The following OR8G5 variants were observed in gnomAD, a reference collection of about 807,000 sequenced individuals.
The protein encoded by OR8G5 is olfactory receptor family 8 subfamily G member 5, also known as olfactory receptor 8G5.
For missense variants in OR8G5, 347 were observed against 371.9 expected (o/e 0.93, Z 0.55); for synonymous variants, 147 against 147.7 (o/e 1.00, Z 0.03).
Position 124,265,732 on chromosome 11 carries a change from C to T in OR8G5, c.801C>T (p.Ser267=), listed in dbSNP as rs1176264287. The T allele has an allele frequency of 6.2e-7, 1 of 1,614,002 alleles. No homozygotes were observed. The highest frequency in any genetic ancestry group is 8.5e-7 in the Non-Finnish European group (1 of 1,179,982). The part of the protein sequence containing the change: ...FMYLQPSSVS[S]MDQGKVSSVF... Reference sequence around the variant, plus strand: ...ACCTGCAGCCATCATCTGTCAGCTCCATGGACCAGGGGAAAGTGTCCTCTG... The same window carrying T: ...ACCTGCAGCCATCATCTGTCAGCTCTATGGACCAGGGGAAAGTGTCCTCTG... Residue 267 remains serine, a synonymous_variant, in exon 2 of 2, where the codon TCC becomes TCT. Coordinates refer to ENST00000641992, the MANE Select transcript of OR8G5 (RefSeq NM_001005198.2).
At chr11:124,264,043 C>A (rs1281531239) in intron 1 of OR8G5, among the ~76,000 whole-genome samples, 1 of 152,140 alleles carries the variant, frequency 6.6e-6, no homozygotes, top group Non-Finnish European at 1.5e-5. Context: ...TCAGTAATTT[C>A]TTACTATCTT....
rs202064362 is a variant in OR8G5 at position 124,265,792 on chromosome 11, C to G, written c.861C>G (p.Pro287=). 1.4e-4 allele frequency: 227 copies of G among 1,614,142 alleles called. No homozygotes were observed. The highest frequency in any genetic ancestry group is 1.8e-4 in the Non-Finnish European group (210 of 1,180,014). Residue 287 remains proline, a synonymous_variant, in exon 2 of 2, where the codon CCC becomes CCG. Transcript: ENST00000641992. ...CTATTGTTGTGCCCATGCTGAACCC[C>G]CTGATCTACAGCCTGAGGAATAAAG... ...FYTIVVPMLN[P]LIYSLRNKDV...
At chr11:124,260,247 A>C (rs1236925069) in intron 1 of OR8G5, among the ~76,000 whole-genome samples, 1 of 152,086 alleles carries the variant, frequency 6.6e-6, no homozygotes, top group Non-Finnish European at 1.5e-5. Context: ...CATAAAAAGG[A>C]ACAAAATAAT....
At chr11:124,262,310 T>G (rs1299395332) in intron 1 of OR8G5, among the ~76,000 whole-genome samples, 1 of 151,764 alleles carries the variant, frequency 6.6e-6, no homozygotes, top group Non-Finnish European at 1.5e-5. Context: ...AGCAAAAAAT[T>G]TTGCATAGCC....
At chr11:124,263,417 G>A (rs2466668) in intron 1 of OR8G5, among the ~76,000 whole-genome samples, 71,742 of 149,528 alleles carry the variant, frequency 0.48, 18,044 homozygotes, top group East Asian at 0.58. Flanking sequence ...TTACATATGT[G>A]TACATGTGCC....
chr11:124,261,636 T>C (rs1861972229), intron 1 of OR8G5, among the ~76,000 whole-genome samples: 1 of 151,912 alleles, frequency 6.6e-6, no homozygotes, highest in African/African-American at 2.4e-5. Context: ...CAGACAAAAA[T>C]ATCACTGTGC....
chr11:124,258,018 C>T (rs1044663027), intron 1 of OR8G5, among the ~76,000 whole-genome samples: 4 of 152,044 alleles, frequency 2.6e-5, no homozygotes, highest in African/African-American at 9.7e-5. Flanking sequence ...ACTCCATATC[C>T]CATTATTTTC....
chr11:124,266,003 T>C lies in OR8G5; in HGVS notation c.*136T>C, dbSNP rs1862027041. ...GGGATTTTACTGACGTTATGTCTTA[T>C]GCACATGGTCTATTTCATGCCATTT... On this transcript the variant is annotated 3_prime_UTR_variant, in exon 2 of 2. Transcript: ENST00000641992. The C allele has an allele frequency of 9.2e-7, 1 of 1,085,598 alleles. No homozygotes were observed. Among genetic ancestry groups the C allele is most frequent in the Non-Finnish European group, 1.3e-6 (1 of 778,330 alleles). The allele number at this position is 1,085,598 out of a possible 1,614,324, so 67.2% of individuals were successfully genotyped here. A position where few individuals can be genotyped will look rare whatever the true frequency, so the allele number is the denominator to read the frequency against.
chr11:124,259,923 C>A (rs781408245), intron 1 of OR8G5, among the ~76,000 whole-genome samples: 1 of 151,984 alleles, frequency 6.6e-6, no homozygotes, highest in Non-Finnish European at 1.5e-5. Context: ...CTGATTGAGA[C>A]GAGCTGTATT....
chr11:124,261,632 A>G (rs1435603562), intron 1 of OR8G5, among the ~76,000 whole-genome samples: 2 of 151,942 alleles, frequency 1.3e-5, no homozygotes, highest in South Asian at 2.1e-4. Context: ...ACATCAGACA[A>G]AAATATCACT....
At chr11:124,260,296 T>C (rs2137758040) in intron 1 of OR8G5, among the ~76,000 whole-genome samples, 1 of 152,162 alleles carries the variant, frequency 6.6e-6, no homozygotes, top group East Asian at 1.9e-4. Flanking sequence ...GAGGTCATTA[T>C]TCTAAGTGAA....
Position 124,265,657 on chromosome 11 carries a change from C to T in OR8G5, c.726C>T (p.Ser242=), listed in dbSNP as rs751410990. 1.9e-6 allele frequency: 3 copies of T among 1,614,028 alleles called. No homozygotes were observed. In the South Asian group the frequency reaches 3.3e-5, roughly 18 times the overall value. ...EGRSKAFSTC[S]SHISAVSVFF... ...GGTCCAAAGCCTTCAGCACTTGCAG[C>T]TCCCACATCTCGGCTGTTTCTGTTT... is the stretch of plus-strand genomic sequence containing the variant. Residue 242 remains serine (S), a synonymous_variant, in exon 2 of 2, where the codon AGC becomes AGT. Coordinates refer to ENST00000641992, the MANE Select transcript of OR8G5 (RefSeq NM_001005198.2).
chr11:124,262,350 T>C (rs989192543), intron 1 of OR8G5, among the ~76,000 whole-genome samples: 3 of 151,334 alleles, frequency 2.0e-5, no homozygotes, highest in African/African-American at 4.9e-5. Flanking sequence ...TTAATTATTA[T>C]GAAAAACATA....
At position 124,265,443 on chromosome 11, in the gene OR8G5, T is replaced by G; in HGVS notation, c.512T>G (p.Phe171Cys). The G allele has an allele frequency of 6.2e-7, 1 of 1,614,036 alleles. No individual in the cohort carries two copies. The highest frequency in any genetic ancestry group is 1.3e-5 in the African/African-American group (1 of 75,052). Reference protein sequence around the residue: ...GCMFRVQFCKFDVINHYFCDL... With the variant: ...GCMFRVQFCKCDVINHYFCDL... ...ATGTTTAGGGTTCAATTCTGCAAAT[T>G]TGATGTGATCAACCATTATTTCTGT... The change falls in exon 2 of 2, where the codon TTT becomes TGT. Residue 171 changes from phenylalanine to cysteine, a missense_variant. By Grantham distance (205) the Phe-to-Cys change is radical. Coordinates refer to ENST00000641992, the MANE Select transcript of OR8G5 (RefSeq NM_001005198.2).
At chr11:124,258,224 T>C (rs1861930793) in intron 1 of OR8G5, among the ~76,000 whole-genome samples, 1 of 152,136 alleles carries the variant, frequency 6.6e-6, no homozygotes, top group South Asian at 2.1e-4. Context: ...TCTTCACAGC[T>C]TCTATACAAC....
rs575342339 is a variant in OR8G5, at chr11:124,265,996, T to C, written c.*129T>C. On this transcript the variant is annotated 3_prime_UTR_variant, in exon 2 of 2. Coordinates refer to ENST00000641992, the MANE Select transcript of OR8G5 (RefSeq NM_001005198.2). ...ATTTGGGGGGATTTTACTGACGTTA[T>C]GTCTTATGCACATGGTCTATTTCAT... The C allele has an allele frequency of 8.6e-7, 1 of 1,160,718 alleles. No individual in the cohort carries two copies. Among genetic ancestry groups the C allele is most frequent in the African/African-American group, 1.6e-5 (1 of 64,312 alleles). The allele number at this position is 1,160,718 out of a possible 1,614,324, so 71.9% of individuals were successfully genotyped here. A position where few individuals can be genotyped will look rare whatever the true frequency, so the allele number is the denominator to read the frequency against.
chr11:124,262,165 T>G (rs1005583482), intron 1 of OR8G5, among the ~76,000 whole-genome samples: 2 of 148,966 alleles, frequency 1.3e-5, no homozygotes, highest in African/African-American at 4.9e-5. Context: ...AGAAATAATT[T>G]AAATAAAAAT....
At chr11:124,258,740 G>C (rs1861936458) in intron 1 of OR8G5, among the ~76,000 whole-genome samples, 1 of 152,024 alleles carries the variant, frequency 6.6e-6, no homozygotes, top group Admixed American at 6.6e-5. Context: ...GGCAAATGCT[G>C]ACCTCTAAGA....
At chr11:124,260,499 G>C (rs1414936401) in intron 1 of OR8G5, among the ~76,000 whole-genome samples, 1 of 151,636 alleles carries the variant, frequency 6.6e-6, no homozygotes, top group Non-Finnish European at 1.5e-5. Flanking sequence ...CATGTACCCT[G>C]AACTTAAAAG....
Sources: allele counts gnomAD v4.1 joint callset (sites outside exome capture counted in the v4.1 genomes callset), GRCh38; gene constraint gnomAD v4.1.1; transcripts MANE v1.5; gene names NCBI Gene and HGNC (gene_info 2026-07-23, HGNC 2026-07-21).